The following SIN3A variants were observed in gnomAD, a reference collection of about 807,000 sequenced individuals.
The protein encoded by SIN3A is SIN3 transcription regulator family member A.
Under a neutral mutation model 146.1 loss-of-function variants are expected in SIN3A, and 14 were observed. The ratio of observed to expected loss-of-function variants is 0.10; its 90% confidence interval spans 0.06 to 0.15. The LOEUF is 0.15. SIN3A is among the 10% of genes least tolerant of loss of function. The pLI is 1.00. For synonymous variants in SIN3A, 572 were observed against 572.0 expected (o/e 1.00, Z 0.00); for missense variants, 1,028 against 1,576.0 (o/e 0.65, Z 5.89).
In SIN3A at chr15:75,403,212, C is replaced by T. The variant is rs1189392246; in HGVS notation, c.1408-1242G>A. On this transcript the variant is annotated intron_variant, in intron 9 of 20. Coordinates refer to ENST00000394947, the MANE Select transcript of SIN3A (RefSeq NM_001145358.2). ...CCGAGGTGGGTGGATCACCTGAGAT[C>T]GGGAGTTTGAGACCAGCCTGGCCAA... Among the ~76,000 whole-genome samples, 5 of 151,682 alleles carry T rather than the reference C, an allele frequency of 3.3e-5. No homozygotes were observed. The East Asian group carries it at 8.0e-4, about 24-fold the overall frequency.
chr15:75,374,927 G>A (rs972209439), intron 20 of SIN3A, among the ~76,000 whole-genome samples: 7 of 152,150 alleles, frequency 4.6e-5, no homozygotes, highest in Non-Finnish European at 8.8e-5. Flanking sequence ...CTTCATGGCT[G>A]TAGTCCCAGG....
intron 14 of SIN3A, 55 bp downstream of exon 14, chr15:75,394,625 G>T: frequency 7.1e-7 from 1 of 1,405,238 alleles, no homozygotes; most frequent in Non-Finnish European, 9.7e-7. Context: ...AGAAATCAAA[G>T]CTGTGCTAAA....
chr15:75,449,239 T>C (rs2074359229), intron 1 of SIN3A, among the ~76,000 whole-genome samples: 1 of 152,214 alleles, frequency 6.6e-6, no homozygotes, highest in Admixed American at 6.5e-5. Flanking sequence ...TTTGCTAAAC[T>C]AAAATGCTAT....
At chr15:75,421,045 C>A (rs2073833502) in intron 3 of SIN3A, 2 of 152,170 alleles carry the variant, frequency 1.3e-5, no homozygotes, top group African/African-American at 2.4e-5. Flanking sequence ...TGGGTAAAAA[C>A]TGGTGTTGTG....
In SIN3A at chr15:75,426,750, T is replaced by G. The variant is rs2073931982; in HGVS notation, c.189+3437A>C. Among the ~76,000 whole-genome samples the G allele has an allele frequency of 2.0e-5, 3 of 151,908 alleles. No individual in the cohort carries two copies. In the South Asian group the frequency reaches 6.2e-4, roughly 32 times the overall value. On this transcript the variant is annotated intron_variant, in intron 2 of 20. Coordinates refer to ENST00000394947, the MANE Select transcript of SIN3A (RefSeq NM_001145358.2). ...TTCAAGACCAGCCTGGGAAACATGG[T>G]GAAACTCTGTCTCTATAGAAAAAAT...
At chr15:75,392,105 T>C (rs1398954596) in intron 15 of SIN3A, 137 bp downstream of exon 15, 9 of 796,380 alleles carry the variant, frequency 1.1e-5, no homozygotes, top group African/African-American at 5.2e-5. Context: ...ATTTTTCAGA[T>C]AAACAGGTTC....
chr15:75,431,997 G>T (rs577466652), intron 1 of SIN3A, among the ~76,000 whole-genome samples: 1 of 152,302 alleles, frequency 6.6e-6, no homozygotes, highest in East Asian at 1.9e-4. Context: ...TCTCAGCTTT[G>T]TGTGTGATAA....
rs775913884 is a variant in SIN3A, at chr15:75,407,892, CAAAAAAAAAAAAA to C, written c.1318-761_1318-749del. On this transcript the variant is annotated intron_variant, in intron 8 of 20. Coordinates refer to ENST00000394947, the MANE Select transcript of SIN3A (RefSeq NM_001145358.2). ...TGGGCAACAGAGTGAGACTCCATCTCAAAAAAAAAAAAAAAAAAAAAAAAAAAAAGGCACGCCA... is the reference window on the plus strand; with the variant it reads ...TGGGCAACAGAGTGAGACTCCATCTCAAAAAAAAAAAAAAAAGGCACGCCA... Among the ~76,000 whole-genome samples the C allele has an allele frequency of 1.5e-3, 37 of 24,654 alleles. 1 individual carries two copies. In the Admixed American group the frequency reaches 0.024, roughly 16 times the overall value. 16.2% of individuals were successfully genotyped at this position (24,654 alleles called of 152,430 possible).
chr15:75,383,643 C>A (rs2141393892), intron 17 of SIN3A, among the ~76,000 whole-genome samples: 1 of 152,214 alleles, frequency 6.6e-6, no homozygotes, highest in South Asian at 2.1e-4. Flanking sequence ...ATTCTCCTGA[C>A]TCAGCCTCCA....
chr15:75,450,393 A>T (rs1790031503), intron 1 of SIN3A, among the ~76,000 whole-genome samples: 1 of 152,090 alleles, frequency 6.6e-6, no homozygotes, highest in Non-Finnish European at 1.5e-5. Context: ...CGCCCCGTAC[A>T]GCCACGGTAA....
chr15:75,421,737 C>T (rs1224511920), intron 3 of SIN3A: 1 of 152,170 alleles, frequency 6.6e-6, no homozygotes, highest in Non-Finnish European at 1.5e-5. Context: ...ATTTCCTGAA[C>T]TTAATTTTAT....
At chr15:75,440,577 G>T (rs2074190066) in intron 1 of SIN3A, among the ~76,000 whole-genome samples, 1 of 152,062 alleles carries the variant, frequency 6.6e-6, no homozygotes. Flanking sequence ...CCTGGACACT[G>T]GGAGATATAA....
intron 1 of SIN3A, among the ~76,000 whole-genome samples, chr15:75,437,761 T>C (rs2074131746): frequency 6.6e-6 from 1 of 152,110 alleles, no homozygotes; most frequent in Admixed American, 6.6e-5. Flanking sequence ...TTTATAGTAC[T>C]ATCAGAACTC....
intron 20 of SIN3A, among the ~76,000 whole-genome samples, chr15:75,374,712 C>T (rs1305197120): frequency 6.6e-6 from 1 of 152,202 alleles, no homozygotes; most frequent in African/African-American, 2.4e-5. Context: ...TTCCTCCCAG[C>T]CTTGTACTAG....
Position 75,430,780 on chromosome 15 carries a change from C to T in SIN3A, c.-33-372G>A, listed in dbSNP as rs577297837. 2.6e-5 allele frequency among the ~76,000 whole-genome samples: 4 copies of T among 151,424 alleles called. No homozygotes were observed. In the South Asian group the frequency reaches 8.3e-4, roughly 31 times the overall value. On this transcript the variant is annotated intron_variant, in intron 1 of 20. Coordinates refer to ENST00000394947, the MANE Select transcript of SIN3A (RefSeq NM_001145358.2). ...ATGCTGCAAAAATATTCAAGTGCTT[C>T]TTCTTTTTTTTTTTGAGACGGAGTC...
Position 75,394,866 on chromosome 15 carries a change from A to G in SIN3A, c.2094-3T>C. 6.2e-7 allele frequency: 1 copy of G among 1,611,828 alleles called. No individual in the cohort carries two copies. Among genetic ancestry groups the G allele is most frequent in the South Asian group, 1.1e-5 (1 of 90,790 alleles). ...ATTCTTCCTCTTTCATCTTCAACCT[A>G]GTGAAGCGGGAAGGGATGGAAACAA... is the stretch of plus-strand genomic sequence containing the variant. On this transcript the variant is annotated splice_polypyrimidine_tract_variant and splice_region_variant and intron_variant, in intron 13 of 20. Transcript: ENST00000394947.
intron 9 of SIN3A, among the ~76,000 whole-genome samples, chr15:75,403,734 C>T (rs2073456060): frequency 6.6e-6 from 1 of 151,880 alleles, no homozygotes; most frequent in African/African-American, 2.4e-5. Flanking sequence ...TTAGTAGAGA[C>T]GGGGTTTCAC....
intron 1 of SIN3A, among the ~76,000 whole-genome samples, chr15:75,434,280 T>C (rs1277226685): frequency 6.6e-6 from 1 of 152,154 alleles, no homozygotes; most frequent in Non-Finnish European, 1.5e-5. Context: ...AAATGTTCAG[T>C]GAGTAGATAT....
intron 17 of SIN3A, among the ~76,000 whole-genome samples, chr15:75,381,986 C>A (rs1298057444): frequency 6.6e-6 from 1 of 152,144 alleles, no homozygotes; most frequent in Non-Finnish European, 1.5e-5. Flanking sequence ...TTTTACAAAA[C>A]AAATATTTTG....
Sources: allele counts gnomAD v4.1 joint callset (sites outside exome capture counted in the v4.1 genomes callset), GRCh38; gene constraint gnomAD v4.1.1; transcripts MANE v1.5; gene names NCBI Gene and HGNC (gene_info 2026-07-23, HGNC 2026-07-21).